MCEE: variants seen among roughly 807,000 people sequenced by gnomAD.
The protein encoded by MCEE is methylmalonyl-CoA epimerase, mitochondrial.
In MCEE, 6 loss-of-function variants were observed where a neutral mutation model predicts 12.9. The observed-to-expected ratio is 0.47, with a 90% CI of 0.26 to 0.92. The LOEUF (loss-of-function observed/expected upper bound fraction) is 0.92. MCEE is among the 40% of genes least tolerant of loss of function. The pLI is 0.16. For missense variants in MCEE, 214 were observed against 212.1 expected (o/e 1.01, Z -0.05); for synonymous variants, 78 against 77.9 (o/e 1.00, Z -0.01).
In MCEE at chr2:71,130,162, C is replaced by G. The variant is rs1442146364; in HGVS notation, c.40+18G>C. The G allele has an allele frequency of 1.2e-6, 2 of 1,606,948 alleles. No homozygotes were observed. The highest frequency in any genetic ancestry group is 1.7e-6 in the Non-Finnish European group (2 of 1,177,558). On this transcript the variant is annotated intron_variant, in intron 1 of 2. Coordinates refer to ENST00000244217, the MANE Select transcript of MCEE (RefSeq NM_032601.4). ...GCTCCCTGTCCCATGGCGAAGGTCGCCGGTGCCCGGTATTCACCTACGGCA... is the reference window on the plus strand; with the variant it reads ...GCTCCCTGTCCCATGGCGAAGGTCGGCGGTGCCCGGTATTCACCTACGGCA...
At chr2:71,113,867 T>A (rs763225990) in intron 2 of MCEE, among the ~76,000 whole-genome samples, 1 of 152,154 alleles carries the variant, frequency 6.6e-6, no homozygotes, top group Non-Finnish European at 1.5e-5. Context: ...AAGGTTAATA[T>A]CAACAGTAGT....
chr2:71,120,027 T>C (rs1673067557), intron 2 of MCEE, among the ~76,000 whole-genome samples: 1 of 149,786 alleles, frequency 6.7e-6, no homozygotes, highest in Non-Finnish European at 1.5e-5. Flanking sequence ...CACTCCAGCA[T>C]GGGTGACACA....
At position 71,124,426 on chromosome 2, in the gene MCEE, A is replaced by C; in HGVS notation, c.158T>G (p.Ile53Arg). Residue 53 changes from isoleucine (I) to arginine (R), a missense_variant, in exon 2 of 3, where the codon ATA (isoleucine) becomes AGA (arginine). Ile to Arg is a moderately conservative substitution (Grantham distance 97). Transcript: ENST00000244217. ...WNLGRLNHVA[I>R]AVPDLEKAAA... ...AGCCTTTTCCAAATCTGGCACTGCTATGGCTACATGGTTGAGTCGACCCAG... is the reference window on the plus strand; with the variant it reads ...AGCCTTTTCCAAATCTGGCACTGCTCTGGCTACATGGTTGAGTCGACCCAG... 1 of 1,614,168 alleles carries C rather than the reference A, an allele frequency of 6.2e-7. No homozygotes were observed. The highest frequency in any genetic ancestry group is 1.1e-5 in the South Asian group (1 of 91,082).
intron 2 of MCEE, among the ~76,000 whole-genome samples, chr2:71,116,229 G>A (rs1427166011): frequency 1.3e-5 from 2 of 149,616 alleles, no homozygotes; most frequent in South Asian, 2.1e-4. Context: ...CCGCCACCAC[G>A]CCTGGCTAAT....
At chr2:71,122,340 G>A (rs1673115185) in intron 2 of MCEE, among the ~76,000 whole-genome samples, 1 of 152,078 alleles carries the variant, frequency 6.6e-6, no homozygotes, top group Admixed American at 6.6e-5. Flanking sequence ...TTGCCATTTG[G>A]CCCAGGCTGG....
intron 1 of MCEE, among the ~76,000 whole-genome samples, chr2:71,129,021 A>T (rs1673304204): frequency 6.7e-6 from 1 of 149,322 alleles, no homozygotes; most frequent in Non-Finnish European, 1.5e-5. Flanking sequence ...CTTTATGTAT[A>T]TTCAACCACA....
Position 71,124,191 on chromosome 2 carries a change from A to C in MCEE, c.378+15T>G, listed in dbSNP as rs1324914193. ...GAGAGATTTAAAATACCAGGCATTA[A>C]AATAATTAAAATACCTCGATGCAGA... On this transcript the variant is annotated intron_variant, in intron 2 of 2. Coordinates refer to ENST00000244217, the MANE Select transcript of MCEE (RefSeq NM_032601.4). The C allele has an allele frequency of 5.7e-6, 9 of 1,586,242 alleles. No homozygotes were observed. In the African/African-American group the frequency reaches 1.1e-4, roughly 19 times the overall value.
chr2:71,122,674 C>G (rs1673123161), intron 2 of MCEE, among the ~76,000 whole-genome samples: 1 of 152,160 alleles, frequency 6.6e-6, no homozygotes, highest in Admixed American at 6.5e-5. Context: ...ACGGAAAGAC[C>G]TGCCCCCATG....
intron 2 of MCEE, among the ~76,000 whole-genome samples, chr2:71,121,286 C>A (rs35833222): frequency 6.6e-6 from 1 of 152,136 alleles, no homozygotes; most frequent in African/African-American, 2.4e-5. Context: ...TCCCACTCCA[C>A]CTTCCCTTCC....
In MCEE at chr2:71,124,374, C is replaced by T. The variant is rs766048433; in HGVS notation, c.210G>A (p.Gly70=). ...KAAAFYKNIL[G]AQVSEAVPLP... is the part of the protein sequence containing the mutation. Reference sequence around the variant, plus strand: ...GAGGGACCGCTTCACTTACCTGGGCCCCCAGAATATTCTTATAAAATGCTG... The same window carrying T: ...GAGGGACCGCTTCACTTACCTGGGCTCCCAGAATATTCTTATAAAATGCTG... Residue 70 remains glycine, a synonymous_variant, in exon 2 of 3, where the codon GGG becomes GGA. Transcript: ENST00000244217. 1.2e-6 allele frequency: 2 copies of T among 1,614,062 alleles called. No individual in the cohort carries two copies. The highest frequency in any genetic ancestry group is 3.3e-5 in the Admixed American group (2 of 60,010).
chr2:71,123,841 A>G (rs1572891102), intron 2 of MCEE, among the ~76,000 whole-genome samples: 2 of 152,240 alleles, frequency 1.3e-5, no homozygotes, highest in African/African-American at 4.8e-5. Flanking sequence ...TGAAAGCTTT[A>G]AAGTCTTTTC....
chr2:71,120,968 C>T (rs926086533), intron 2 of MCEE, among the ~76,000 whole-genome samples: 1 of 152,180 alleles, frequency 6.6e-6, no homozygotes, highest in Non-Finnish European at 1.5e-5. Context: ...AACTCCTGAG[C>T]TCAGGCAATC....
chr2:71,117,444 A>T lies in MCEE; in HGVS notation c.378+6762T>A, dbSNP rs183400043. 4 of 150,596 alleles carry T rather than the reference A, an allele frequency of 2.7e-5. No individual in the cohort carries two copies. In the East Asian group the frequency reaches 7.7e-4, roughly 29 times the overall value. The allele number at this position is 150,596 out of a possible 1,614,324, so 9.3% of individuals were successfully genotyped here. On this transcript the variant is annotated intron_variant, in intron 2 of 2. Transcript: ENST00000244217. ...TGTGAAAAGCCAAAATGAGAATAAA[A>T]TTTTTTAAAAAGGAGAATATTTTCC...
chr2:71,122,388 G>A (rs111953589), intron 2 of MCEE, among the ~76,000 whole-genome samples: 2 of 152,120 alleles, frequency 1.3e-5, no homozygotes, highest in Non-Finnish European at 2.9e-5. Context: ...GCCCACCTTG[G>A]CCTCCCAAAG....
intron 1 of MCEE, among the ~76,000 whole-genome samples, chr2:71,126,180 A>G (rs1408830241): frequency 6.6e-6 from 1 of 152,204 alleles, no homozygotes; most frequent in Non-Finnish European, 1.5e-5. Flanking sequence ...GACAAATGTG[A>G]TAGTTGCACT....
chr2:71,110,082 T>C lies in MCEE; in HGVS notation c.419A>G (p.Lys140Arg). ...INAAVMDLKK[K>R]KIRSLSEEVK... ...CTCTTCACTTAGACTGCGGATCTTC[T>C]TTTTTTTCAAATCCATCACAGCTGC... Residue 140 changes from lysine (K) to arginine (R), a missense_variant, in exon 3 of 3, where the codon AAG becomes AGG. Transcript: ENST00000244217. 6.2e-7 allele frequency: 1 copy of C among 1,609,682 alleles called. No individual in the cohort carries two copies. Among genetic ancestry groups the C allele is most frequent in the Non-Finnish European group, 8.5e-7 (1 of 1,176,442 alleles).
chr2:71,113,054 A>G lies in MCEE; in HGVS notation c.379-2932T>C, dbSNP rs574586938. Among the ~76,000 whole-genome samples the G allele has an allele frequency of 2.0e-5, 3 of 152,358 alleles. No homozygotes were observed. In the East Asian group the frequency reaches 5.8e-4, roughly 29 times the overall value. ...GCCACTAAGTTTGTGATCATTTATT[A>G]TAGCAGCCCTAGAAGACAAATATAA... On this transcript the variant is annotated intron_variant, in intron 2 of 2. Transcript: ENST00000244217.
intron 2 of MCEE, among the ~76,000 whole-genome samples, chr2:71,114,234 C>A (rs1015173970): frequency 1.3e-5 from 2 of 152,000 alleles, no homozygotes; most frequent in Non-Finnish European, 2.9e-5. Flanking sequence ...CTAATGCATA[C>A]AAGGCTTAAT....
chr2:71,130,051 T>G, intron 1 of MCEE, 129 bp downstream of exon 1: 1 of 924,448 alleles, frequency 1.1e-6, no homozygotes, highest in Non-Finnish European at 1.7e-6. Flanking sequence ...CAGCAGCTGC[T>G]GTGGAACGCG....
Sources: allele counts gnomAD v4.1 joint callset (sites outside exome capture counted in the v4.1 genomes callset), GRCh38; gene constraint gnomAD v4.1.1; transcripts MANE v1.5; gene names NCBI Gene and HGNC (gene_info 2026-07-23, HGNC 2026-07-21).